TRIT1: variants seen among roughly 807,000 people sequenced by gnomAD.
TRIT1 encodes the protein tRNA dimethylallyltransferase.
A neutral mutation model predicts 51.2 loss-of-function variants in TRIT1; 43 were observed. That is an observed-to-expected ratio of 0.84 (90% confidence interval 0.66 to 1.08). TRIT1 has a LOEUF of 1.08. Ranked by LOEUF, TRIT1 falls within the 50% of genes least tolerant of loss-of-function variation. The pLI is 0.00. For synonymous variants in TRIT1, 184 were observed against 203.9 expected (o/e 0.90, Z 0.83); for missense variants, 528 against 578.4 (o/e 0.91, Z 0.89).
chr1:39,857,403 T>TA lies in TRIT1; in HGVS notation c.188dup (p.Asp64ArgfsTer38), dbSNP rs1403590388. 1 of 1,614,010 alleles carries TA rather than the reference T, an allele frequency of 6.2e-7. No homozygotes were observed. The highest frequency in any genetic ancestry group is 8.5e-7 in the Non-Finnish European group (1 of 1,179,936). On this transcript the variant is annotated frameshift_variant, in exon 2 of 11. Coordinates refer to ENST00000316891, the MANE Select transcript of TRIT1 (RefSeq NM_017646.6). LOFTEE classifies it high-confidence loss of function. ...CAGAAACCTTGTTGGTGATGATGTCTAGGCCTTCATAGACCTAGGGGAAAG... is the reference window on the plus strand; with the variant it reads ...CAGAAACCTTGTTGGTGATGATGTCTAAGGCCTTCATAGACCTAGGGGAAAG...
At chr1:39,853,719 C>T (rs540315637) in intron 3 of TRIT1, among the ~76,000 whole-genome samples, 12 of 152,280 alleles carry the variant, frequency 7.9e-5, no homozygotes, top group Non-Finnish European at 1.8e-4. Flanking sequence ...GCCTAATGAA[C>T]TGTTAATTTA....
intron 1 of TRIT1, among the ~76,000 whole-genome samples, chr1:39,866,093 A>AAAGGAAGGAAGG (rs150669999): frequency 1.5e-3 from 216 of 147,542 alleles, no homozygotes; most frequent in East Asian, 5.2e-3. Flanking sequence ...AGGAAAGAAG[A>AAAGGAAGGAAGG]AAGGAAGGAA....
intron 1 of TRIT1, among the ~76,000 whole-genome samples, chr1:39,864,271 C>A (rs1272542740): frequency 6.6e-6 from 1 of 151,858 alleles, no homozygotes; most frequent in Non-Finnish European, 1.5e-5. Context: ...GCTACACATC[C>A]AATGATGCAC....
At chr1:39,848,325 T>C (rs1642355651) in intron 5 of TRIT1, among the ~76,000 whole-genome samples, 1 of 152,152 alleles carries the variant, frequency 6.6e-6, no homozygotes, top group African/African-American at 2.4e-5. Context: ...CTCCTCATTA[T>C]ATAGAGAAAG....
chr1:39,882,022 T>C (rs1343122686), intron 1 of TRIT1, among the ~76,000 whole-genome samples: 1 of 152,254 alleles, frequency 6.6e-6, no homozygotes, highest in Non-Finnish European at 1.5e-5. Context: ...TTATGTGCCA[T>C]ATATTGTATT....
chr1:39,844,232 G>T lies in TRIT1; in HGVS notation c.1117-14C>A. On this transcript the variant is annotated splice_polypyrimidine_tract_variant and intron_variant, in intron 9 of 10. Coordinates refer to ENST00000316891, the MANE Select transcript of TRIT1 (RefSeq NM_017646.6). The stretch of plus-strand genomic sequence containing the variant: ...AGGCTTGTGGCCCTAAAAGAACAAG[G>T]GTGGAAGGGAGTATTCAATTCAAAG... The T allele has an allele frequency of 6.3e-7, 1 of 1,576,850 alleles. No individual in the cohort carries two copies. Among genetic ancestry groups the T allele is most frequent in the Non-Finnish European group, 8.7e-7 (1 of 1,146,526 alleles).
At chr1:39,869,030 A>C (rs890805965) in intron 1 of TRIT1, among the ~76,000 whole-genome samples, 2 of 152,178 alleles carry the variant, frequency 1.3e-5, no homozygotes, top group Non-Finnish European at 2.9e-5. Context: ...ACTGCACTTC[A>C]GCCTGGGCAA....
At chr1:39,859,987 G>C (rs1216018324) in intron 1 of TRIT1, among the ~76,000 whole-genome samples, 2 of 152,122 alleles carry the variant, frequency 1.3e-5, no homozygotes, top group Admixed American at 1.3e-4. Context: ...GTATCTTCTA[G>C]AGGCCCTTAA....
chr1:39,873,891 C>T (rs1234623298), intron 1 of TRIT1, among the ~76,000 whole-genome samples: 1 of 151,924 alleles, frequency 6.6e-6, no homozygotes, highest in African/African-American at 2.4e-5. Flanking sequence ...GTTATGGTGG[C>T]GTATGCCTGT....
intron 1 of TRIT1, among the ~76,000 whole-genome samples, chr1:39,880,268 TAAAAAAAAA>T (rs1553148795): frequency 9.5e-5 from 9 of 94,890 alleles, no homozygotes; most frequent in East Asian, 3.2e-4. Flanking sequence ...AGACCTCAAA[TAAAAAAAAA>T]AAAAAAAAAA....
chr1:39,843,950 C>T, intron 10 of TRIT1, 151 bp downstream of exon 10: 1 of 500,400 alleles, frequency 2.0e-6, no homozygotes, highest in Non-Finnish European at 3.5e-6. Context: ...CAGAAGCCTC[C>T]AAGGAATTTG....
At chr1:39,858,946 T>C (rs1448056851) in intron 1 of TRIT1, among the ~76,000 whole-genome samples, 2 of 152,032 alleles carry the variant, frequency 1.3e-5, no homozygotes, top group East Asian at 1.9e-4. Flanking sequence ...GTGTCTTCTA[T>C]GCACATTAAG....
At chr1:39,877,988 C>T (rs2124687151) in intron 1 of TRIT1, among the ~76,000 whole-genome samples, 2 of 152,200 alleles carry the variant, frequency 1.3e-5, no homozygotes, top group Middle Eastern at 6.8e-3. Context: ...GAAAATAAAG[C>T]ACAAATGTTG....
At chr1:39,847,502 G>A (rs765208048) in intron 7 of TRIT1, 46 bp downstream of exon 7, 1 of 1,590,388 alleles carries the variant, frequency 6.3e-7, no homozygotes, top group Non-Finnish European at 8.6e-7. Context: ...AGAGTACCCT[G>A]CCACCCAAAG....
rs750063843 is a variant in TRIT1, at chr1:39,857,385, CTTG to C, written c.204_206del (p.Asn68del). The C allele has an allele frequency of 6.2e-7, 1 of 1,614,074 alleles. No individual in the cohort carries two copies. The highest frequency in any genetic ancestry group is 8.5e-7 in the Non-Finnish European group (1 of 1,179,990). On this transcript the variant is annotated inframe_deletion, in exon 2 of 11. Coordinates refer to ENST00000316891, the MANE Select transcript of TRIT1 (RefSeq NM_017646.6). ...AGATTCTCTGCTCTTGGGCAGAAACCTTGTTGGTGATGATGTCTAGGCCTTCAT... is the reference window on the plus strand; with the variant it reads ...AGATTCTCTGCTCTTGGGCAGAAACCTTGGTGATGATGTCTAGGCCTTCAT...
intron 7 of TRIT1, 79 bp downstream of exon 7, chr1:39,847,469 G>T: frequency 6.5e-7 from 1 of 1,529,704 alleles, no homozygotes. Flanking sequence ...TTAAGCCTTG[G>T]CTCTTTCTCA....
chr1:39,849,230 T>C (rs1642418221), intron 5 of TRIT1, among the ~76,000 whole-genome samples: 1 of 152,214 alleles, frequency 6.6e-6, no homozygotes, highest in Non-Finnish European at 1.5e-5. Context: ...GTGTTATTAC[T>C]ATTATCTCTA....
chr1:39,867,580 A>AAAATTGGCACATATTT (rs1466432636), intron 1 of TRIT1, among the ~76,000 whole-genome samples: 5 of 152,272 alleles, frequency 3.3e-5, no homozygotes, highest in Non-Finnish European at 7.3e-5. Flanking sequence ...CAGAGAATGC[A>AAAATTGGCACATATTT]AAATTGGCAC....
At chr1:39,880,840 G>A (rs1570154011) in intron 1 of TRIT1, among the ~76,000 whole-genome samples, 1 of 150,986 alleles carries the variant, frequency 6.6e-6, no homozygotes, top group Non-Finnish European at 1.5e-5. Context: ...CATTTCTTTG[G>A]TACACAGCTA....
Sources: gnomAD v4.1 joint callset for allele counts (sites outside exome capture counted in the v4.1 genomes callset) on GRCh38, gnomAD v4.1.1 for gene constraint, MANE v1.5 for transcripts, NCBI Gene and HGNC (gene_info 2026-07-23, HGNC 2026-07-21) for gene names.